Variants in AR observed in about 807,000 individuals in gnomAD.
The protein encoded by AR is dihydrotestosterone receptor.
AR carries 8 observed loss-of-function variants against 53.9 expected under a neutral mutation model. The observed-to-expected ratio is 0.15, with a 90% CI of 0.09 to 0.27. The LOEUF (loss-of-function observed/expected upper bound fraction) is 0.27. Ranked by LOEUF, AR falls within the 10% of genes least tolerant of loss-of-function variation. AR has a pLI of 1.00. For synonymous variants in AR, 359 were observed against 316.4 expected, an observed-to-expected ratio of 1.13 and a Z score of -1.43; for missense variants, 639 against 742.5, an observed-to-expected ratio of 0.86 and a Z score of 1.62.
chrX:67,568,963 G>A (rs369294731), intron 1 of AR: 6 of 1,210,490 alleles, frequency 5.0e-6, no homozygotes, highest in Non-Finnish European at 4.5e-6. Flanking sequence ...CCAGGGAAAC[G>A]AATGCAGAGT....
At chrX:67,636,455 A>G (rs1037141769) in intron 1 of AR, among the ~76,000 whole-genome samples, 2 of 112,009 alleles carry the variant, frequency 1.8e-5, no homozygotes, top group African/African-American at 6.5e-5. Context: ...TTTACACAAC[A>G]TTAGTATTTG....
Position 67,651,543 on chromosome X carries a change from C to G in AR, c.1768+8136C>G, listed in dbSNP as rs868587939. ...TCTGGGGTCAAAGGCAGCATTCACTCTGCTCTGTCACAGCAGCTCCTCAAA... is the reference window on the plus strand; with the variant it reads ...TCTGGGGTCAAAGGCAGCATTCACTGTGCTCTGTCACAGCAGCTCCTCAAA... On this transcript the variant is annotated intron_variant, in intron 2 of 7. Coordinates refer to ENST00000374690, the MANE Select transcript of AR (RefSeq NM_000044.6). Among the ~76,000 whole-genome samples, 32 of 111,795 alleles carry G rather than the reference C, an allele frequency of 2.9e-4. 1 individual carries two copies. Among genetic ancestry groups the G allele is most frequent in the African/African-American group, 1.0e-3 (31 of 30,766 alleles).
intron 3 of AR, chrX:67,694,611 C>T (rs898681294): frequency 8.7e-7 from 1 of 1,144,199 alleles, no homozygotes; most frequent in East Asian, 3.3e-5. Flanking sequence ...GATTATGGAG[C>T]CTGCTAGATA....
rs2147530902 is a variant in AR at position 67,717,554 on chromosome X, G to A, written c.2250G>A (p.Met750Ile). 1 of 1,211,936 alleles carries A rather than the reference G, an allele frequency of 8.3e-7. No individual in the cohort carries two copies. Among genetic ancestry groups the A allele is most frequent in the Non-Finnish European group, 1.1e-6 (1 of 895,514 alleles). ...GGATGGGGCTCATGGTGTTTGCCAT[G>A]GGCTGGCGATCCTTCACCAATGTCA... ...YSWMGLMVFA[M>I]GWRSFTNVNS... The change falls in exon 5 of 8, where the codon ATG becomes ATA. Residue 750 changes from methionine (M) to isoleucine (I), a missense_variant. Physicochemically the swap from Met to Ile is conservative, Grantham distance 10. Around this residue, in one of 5 missense-constraint regions of AR, gnomAD observed 95 missense variants for 196.4 expected, o/e 0.48. Coordinates refer to ENST00000374690, the MANE Select transcript of AR (RefSeq NM_000044.6).
At chrX:67,656,844 CT>C (rs1185535134) in intron 2 of AR, among the ~76,000 whole-genome samples, 1 of 109,262 alleles carries the variant, frequency 9.2e-6, no homozygotes, top group Non-Finnish European at 1.9e-5. Context: ...AGCCCTTCTG[CT>C]TGATGCTAAG....
At chrX:67,688,855 T>C (rs181065304) in intron 3 of AR, among the ~76,000 whole-genome samples, 2 of 111,717 alleles carry the variant, frequency 1.8e-5, no homozygotes, top group East Asian at 5.7e-4. Flanking sequence ...ACTCAAACAA[T>C]GGAAAAGAAA....
At chrX:67,661,363 C>T (rs1473854205) in intron 2 of AR, among the ~76,000 whole-genome samples, 1 of 110,980 alleles carries the variant, frequency 9.0e-6, no homozygotes, top group Admixed American at 9.6e-5. Flanking sequence ...TCATAGATAG[C>T]TCTTATTATT....
intron 2 of AR, among the ~76,000 whole-genome samples, chrX:67,658,986 CTGAGA>C (rs1926726592): frequency 9.0e-6 from 1 of 111,454 alleles, no homozygotes; most frequent in South Asian, 3.8e-4. Context: ...GTTGACTTCA[CTGAGA>C]TGGTTTGGGG....
At chrX:67,557,486 C>T (rs1354031675) in intron 1 of AR, among the ~76,000 whole-genome samples, 1 of 112,071 alleles carries the variant, frequency 8.9e-6, no homozygotes. Context: ...ATCCTGATGG[C>T]TTCTTCTCAG....
chrX:67,662,498 G>A (rs1210023717), intron 2 of AR, among the ~76,000 whole-genome samples: 82 of 111,339 alleles, frequency 7.4e-4, no homozygotes, highest in Non-Finnish European at 1.2e-3. Context: ...GTAGTTGAGC[G>A]GTTTTGAGTG....
At chrX:67,670,039 T>A (rs957034258) in intron 2 of AR, among the ~76,000 whole-genome samples, 19 of 96,441 alleles carry the variant, frequency 2.0e-4, no homozygotes, top group Non-Finnish European at 3.7e-4. Flanking sequence ...TTTTAAAAAA[T>A]TTCATTAGTT....
intron 1 of AR, among the ~76,000 whole-genome samples, chrX:67,582,194 A>G (rs1199670971): frequency 8.9e-6 from 1 of 111,898 alleles, no homozygotes; most frequent in Non-Finnish European, 1.9e-5. Context: ...TCTGACTAAG[A>G]TATTACTGGG....
At chrX:67,637,084 C>T (rs1020287960) in intron 1 of AR, among the ~76,000 whole-genome samples, 4 of 110,847 alleles carry the variant, frequency 3.6e-5, no homozygotes, top group South Asian at 7.5e-4. Context: ...ATGAAAATTT[C>T]GATTTCTTTA....
intron 1 of AR, among the ~76,000 whole-genome samples, chrX:67,627,264 C>T (rs1924722724): frequency 9.0e-6 from 1 of 111,371 alleles, no homozygotes. Context: ...CAAAGTGTTC[C>T]TATTTCTCCA....
intron 1 of AR, among the ~76,000 whole-genome samples, chrX:67,564,890 TC>T (rs759090139): frequency 3.6e-5 from 4 of 111,949 alleles, no homozygotes; most frequent in African/African-American, 6.5e-5. Context: ...GAGCCAATTT[TC>T]CCCCTGGTTT....
chrX:67,668,908 C>T (rs1304080145), intron 2 of AR, among the ~76,000 whole-genome samples: 1 of 111,167 alleles, frequency 9.0e-6, no homozygotes, highest in Admixed American at 9.6e-5. Context: ...GTAATGTTTC[C>T]TTTTTTAATC....
intron 1 of AR, among the ~76,000 whole-genome samples, chrX:67,633,278 C>T (rs183264503): frequency 3.6e-5 from 4 of 111,760 alleles, no homozygotes; most frequent in Admixed American, 1.9e-4. Context: ...TCTATCCTCA[C>T]CCTCCTCCTA....
chrX:67,706,179 T>G (rs1274708924), intron 3 of AR, among the ~76,000 whole-genome samples: 1 of 111,815 alleles, frequency 8.9e-6, no homozygotes, highest in Admixed American at 9.5e-5. Flanking sequence ...TTAGGGAGGA[T>G]TCCCTCTTTT....
intron 1 of AR, among the ~76,000 whole-genome samples, chrX:67,594,809 C>A (rs1203164274): frequency 9.0e-6 from 1 of 110,973 alleles, no homozygotes; most frequent in Non-Finnish European, 1.9e-5. Flanking sequence ...ATTAGCTAGG[C>A]GTTGTGGTAC....
Sources: gnomAD v4.1 joint callset for allele counts (sites outside exome capture counted in the v4.1 genomes callset) on GRCh38, gnomAD v4.1.1 for gene constraint, gnomAD v4.1.1 regional missense constraint, MANE v1.5 for transcripts, NCBI Gene and HGNC (gene_info 2026-07-23, HGNC 2026-07-21) for gene names.